Variants in PLSCR5 observed in about 807,000 individuals in gnomAD.
PLSCR5 encodes the protein phospholipid scramblase family, member 5.
PLSCR5 carries 44 observed loss-of-function variants against 33.6 expected under a neutral mutation model. The ratio of observed to expected loss-of-function variants is 1.31; its 90% CI spans 1.03 to 1.69. PLSCR5 has a LOEUF of 1.69. Among genes scored for constraint, PLSCR5 ranks in the 40% most tolerant of loss-of-function variants. PLSCR5 has a pLI of 0.00. For synonymous variants in PLSCR5, 148 were observed against 112.3 expected (o/e 1.32, Z -2.01); for missense variants, 375 against 318.7 (o/e 1.18, Z -1.34).
intron 6 of PLSCR5, 96 bp downstream of exon 6, chr3:146,589,557 G>T: frequency 8.6e-7 from 1 of 1,156,828 alleles, no homozygotes; most frequent in Non-Finnish European, 1.2e-6. Flanking sequence ...TATACTCTTT[G>T]GGGGTAAAAA....
Position 146,593,998 on chromosome 3 carries a change from A to G in PLSCR5, c.375T>C (p.Asp125=). The G allele has an allele frequency of 6.2e-7, 1 of 1,613,870 alleles. No homozygotes were observed. Among genetic ancestry groups the G allele is most frequent in the Non-Finnish European group, 8.5e-7 (1 of 1,179,818 alleles). ...CTGTAATGACCTCTCGACCTGAGTT[A>G]TCTGTGATCCTCAGGGTGCAAGATC... ...TLRSCTLRIT[D]NSGREVITVN... Residue 125 remains aspartate (D), a synonymous_variant, in exon 4 of 8, where the codon GAT becomes GAC. Transcript: ENST00000443512.
At chr3:146,596,683 C>T (rs1451971930) in intron 2 of PLSCR5, among the ~76,000 whole-genome samples, 1 of 152,130 alleles carries the variant, frequency 6.6e-6, no homozygotes, top group Admixed American at 6.6e-5. Context: ...CCAGTCATTA[C>T]TAAAATTTGG....
At chr3:146,599,440 T>C (rs1337750862) in intron 2 of PLSCR5, among the ~76,000 whole-genome samples, 2 of 151,982 alleles carry the variant, frequency 1.3e-5, no homozygotes, top group Non-Finnish European at 2.9e-5. Flanking sequence ...AACCTCTCTC[T>C]CCTCTATACA....
intron 6 of PLSCR5, among the ~76,000 whole-genome samples, chr3:146,589,314 T>C (rs1395312864): frequency 2.0e-5 from 3 of 152,138 alleles, no homozygotes; most frequent in Non-Finnish European, 2.9e-5. Context: ...TCATGTGATA[T>C]TTATGTTTGC....
At chr3:146,578,817 T>C (rs1001904489) in intron 7 of PLSCR5, among the ~76,000 whole-genome samples, 3 of 152,112 alleles carry the variant, frequency 2.0e-5, no homozygotes, top group Non-Finnish European at 4.4e-5. Context: ...TCCATTGTAA[T>C]TGTTTTTTAA....
chr3:146,600,291 G>T lies in PLSCR5; in HGVS notation c.186C>A (p.Ser62Arg). 1 of 1,570,402 alleles carries T rather than the reference G, an allele frequency of 6.4e-7. No homozygotes were observed. The highest frequency in any genetic ancestry group is 8.7e-7 in the Non-Finnish European group (1 of 1,155,406). The change falls in exon 2 of 8, where the codon AGC becomes AGA. Residue 62 changes from serine to arginine, a missense_variant. Physicochemically the swap from Ser to Arg is moderately radical, Grantham distance 110 (BLOSUM62 -1). Transcript: ENST00000443512. ...VSLPPGLEYL[S>R]QLDLIIIHQQ... ...AGTAATAGAAAGATAAAAACACCTG[G>T]CTTAAATATTCTAGACCAGGAGGGA...
chr3:146,594,752 C>T lies in PLSCR5; in HGVS notation c.232+289G>A, dbSNP rs563888900. On this transcript the variant is annotated intron_variant, in intron 3 of 7. Transcript: ENST00000443512. ...TTAGGAAAGTTAAATGATTAGCATC[C>T]ACGGAAATGATCAAATACCTTTTAC... 2.0e-3 allele frequency among the ~76,000 whole-genome samples: 310 copies of T among 152,024 alleles called. 2 individuals are homozygous for T. The highest frequency in any genetic ancestry group is 7.2e-3 in the African/African-American group (298 of 41,482).
At chr3:146,579,657 A>T (rs958577251) in intron 7 of PLSCR5, among the ~76,000 whole-genome samples, 1 of 152,210 alleles carries the variant, frequency 6.6e-6, no homozygotes, top group Non-Finnish European at 1.5e-5. Flanking sequence ...CCTCCTTAAT[A>T]CTTGTCAATT....
At chr3:146,604,350 A>G (rs779501300) in intron 1 of PLSCR5, among the ~76,000 whole-genome samples, 7 of 152,102 alleles carry the variant, frequency 4.6e-5, no homozygotes, top group Non-Finnish European at 1.0e-4. Context: ...AAGTAAGATA[A>G]CGTAATGATA....
chr3:146,588,898 T>C lies in PLSCR5; in HGVS notation c.777+755A>G, dbSNP rs529975042. 1.0e-3 allele frequency among the ~76,000 whole-genome samples: 153 copies of C among 152,324 alleles called. No individual in the cohort carries two copies. In the Middle Eastern group the frequency reaches 0.02, roughly 20 times the overall value. On this transcript the variant is annotated intron_variant, in intron 6 of 7. Coordinates refer to ENST00000443512, the MANE Select transcript of PLSCR5 (RefSeq NM_001085420.2). ...TTAATCACTTATGTGTGTGCCTGTGTATACACATCTTTTTCATGTATTTAT... is the reference window on the plus strand; with the variant it reads ...TTAATCACTTATGTGTGTGCCTGTGCATACACATCTTTTTCATGTATTTAT...
chr3:146,602,532 G>A (rs971097975), intron 1 of PLSCR5, among the ~76,000 whole-genome samples: 2 of 151,950 alleles, frequency 1.3e-5, no homozygotes, highest in African/African-American at 2.4e-5. Context: ...TCTTGATCTT[G>A]GTGGTGGTCA....
chr3:146,603,545 CTTCCT>C (rs1407991096), intron 1 of PLSCR5, among the ~76,000 whole-genome samples: 1 of 152,078 alleles, frequency 6.6e-6, no homozygotes, highest in Non-Finnish European at 1.5e-5. Flanking sequence ...AACATCACTG[CTTCCT>C]GTTAGATTAA....
chr3:146,599,544 G>T (rs191979750), intron 2 of PLSCR5, among the ~76,000 whole-genome samples: 3 of 149,734 alleles, frequency 2.0e-5, no homozygotes, highest in Admixed American at 6.7e-5. Context: ...TTGCCAATTA[G>T]GTTGCAGAAC....
At chr3:146,594,275 T>C (rs2044740577) in intron 3 of PLSCR5, 135 bp from the exon 4 acceptor site, 2 of 658,980 alleles carry the variant, frequency 3.0e-6, no homozygotes, top group East Asian at 5.6e-5. Flanking sequence ...TCACACAAAT[T>C]TATTTCTATG....
intron 1 of PLSCR5, 122 bp downstream of exon 1, chr3:146,605,078 G>A: frequency 2.0e-6 from 2 of 1,024,590 alleles, no homozygotes; most frequent in Non-Finnish European, 2.8e-6. Flanking sequence ...AAATCACAAT[G>A]TTCAAAAGTG....
intron 5 of PLSCR5, 159 bp from the exon 6 acceptor site, chr3:146,589,973 T>C: frequency 2.2e-6 from 1 of 457,800 alleles, no homozygotes; most frequent in Non-Finnish European, 3.6e-6. Context: ...CATAGGTTTG[T>C]AAATTTAGCT....
intron 6 of PLSCR5, among the ~76,000 whole-genome samples, chr3:146,587,495 G>A (rs981388329): frequency 1.3e-5 from 2 of 152,084 alleles, no homozygotes; most frequent in African/African-American, 2.4e-5. Flanking sequence ...TTAAGTGTGG[G>A]GCTTAATCAG....
chr3:146,589,336 T>C (rs1371360506), intron 6 of PLSCR5, among the ~76,000 whole-genome samples: 1 of 151,246 alleles, frequency 6.6e-6, no homozygotes, highest in Admixed American at 6.5e-5. Flanking sequence ...TATTTTTTAG[T>C]TCAAGTGAAA....
intron 1 of PLSCR5, among the ~76,000 whole-genome samples, chr3:146,604,400 C>A (rs534947690): frequency 6.6e-6 from 1 of 152,028 alleles, no homozygotes; most frequent in South Asian, 2.1e-4. Flanking sequence ...ACTCATCAGT[C>A]CTACTCCCCA....
Sources: allele counts gnomAD v4.1 joint callset (sites outside exome capture counted in the v4.1 genomes callset), GRCh38; gene constraint gnomAD v4.1.1; transcripts MANE v1.5; gene names NCBI Gene and HGNC (gene_info 2026-07-23, HGNC 2026-07-21).